Variants in AGPAT3 observed in about 807,000 individuals in gnomAD.
AGPAT3 encodes the protein 1-acylglycerol-3-phosphate O-acyltransferase 3, also known as 1-acyl-sn-glycerol-3-phosphate acyltransferase gamma.
Under a neutral mutation model 47.3 loss-of-function variants are expected in AGPAT3, and 5 were observed. The observed-to-expected ratio is 0.11, with a 90% CI of 0.06 to 0.22. AGPAT3 has a LOEUF of 0.22. Ranked by LOEUF, AGPAT3 falls within the 10% of genes least tolerant of loss-of-function variation. AGPAT3 has a pLI of 1.00. For synonymous variants in AGPAT3, 212 were observed against 208.3 expected (o/e 1.02, Z -0.15); for missense variants, 315 against 493.0 (o/e 0.64, Z 3.42).
intron 1 of AGPAT3, among the ~76,000 whole-genome samples, chr21:43,866,457 G>C (rs9977718): frequency 6.0e-4 from 92 of 152,204 alleles, no homozygotes; most frequent in Middle Eastern, 3.4e-3. Context: ...TTGCAGGCGC[G>C]GCTGCTCCGA....
intron 3 of AGPAT3, chr21:43,967,358 G>A (rs781754345): frequency 1.0e-4 from 16 of 152,738 alleles, no homozygotes; most frequent in Non-Finnish European, 1.9e-4. Flanking sequence ...CAGGCCTCTG[G>A]CCACCTGCCC....
At chr21:43,888,200 C>G (rs2086023107) in intron 1 of AGPAT3, among the ~76,000 whole-genome samples, 2 of 152,140 alleles carry the variant, frequency 1.3e-5, no homozygotes, top group African/African-American at 2.4e-5. Flanking sequence ...CCACCACACC[C>G]AGCTAATTTT....
rs532791819 is a variant in AGPAT3 at position 43,934,961 on chromosome 21, A to G, written c.-48-24673A>G. Among the ~76,000 whole-genome samples the G allele has an allele frequency of 6.7e-6, 1 of 148,372 alleles. No homozygotes were observed. Among genetic ancestry groups the G allele is most frequent in the Admixed American group, 6.7e-5 (1 of 14,956 alleles). On this transcript the variant is annotated intron_variant, in intron 2 of 9. Transcript: ENST00000291572. This position sits in a 1 kb window ranked among gnomAD's most constrained non-coding sequence, Gnocchi z 4.7. ...CCCACGCCACTCACATGCCACTCAC[A>G]TGCCATTGACACGCCACCACGCCAC...
chr21:43,975,340 T>C (rs9680153), intron 7 of AGPAT3, among the ~76,000 whole-genome samples: 9,468 of 148,682 alleles, frequency 0.064, 840 homozygotes, highest in African/African-American at 0.2. Flanking sequence ...GTGTGGTATG[T>C]TCTGGTGTGT....
At position 43,971,484 on chromosome 21, in the gene AGPAT3, G is replaced by A; in HGVS notation, c.761G>A (p.Cys254Tyr). 2 of 1,614,196 alleles carry A rather than the reference G, an allele frequency of 1.2e-6. No homozygotes were observed. Among genetic ancestry groups the A allele is most frequent in the Non-Finnish European group, 1.7e-6 (2 of 1,180,008 alleles). The change falls in exon 7 of 10, where the codon TGC (cysteine) becomes TAC (tyrosine). Residue 254 changes from cysteine (C) to tyrosine (Y), a missense_variant. By Grantham distance (194) the Cys-to-Tyr change is radical. Transcript: ENST00000291572. Reference protein sequence around the residue: ...LYGKKYEADMCVRRFPLEDIP... With the variant: ...LYGKKYEADMYVRRFPLEDIP... ...GGGAAGAAGTACGAGGCGGACATGT[G>A]CGTGAGGTGAGGCCAGACCCTGTGG... is the stretch of plus-strand genomic sequence containing the variant.
intron 7 of AGPAT3, among the ~76,000 whole-genome samples, chr21:43,976,013 A>G (rs1369533972): frequency 1.3e-5 from 2 of 148,790 alleles, no homozygotes; most frequent in African/African-American, 5.0e-5. Context: ...AGAAAACCAC[A>G]TTTTATTTTT....
At chr21:43,923,624 G>A (rs1257743864) in intron 2 of AGPAT3, among the ~76,000 whole-genome samples, 1 of 152,206 alleles carries the variant, frequency 6.6e-6, no homozygotes, top group Non-Finnish European at 1.5e-5. Flanking sequence ...TGATGCCCTC[G>A]AGTTTGAACA....
intron 2 of AGPAT3, among the ~76,000 whole-genome samples, chr21:43,951,077 C>T (rs2088169518): frequency 6.6e-6 from 1 of 152,214 alleles, no homozygotes; most frequent in African/African-American, 2.4e-5. Context: ...GTGGAGCTTT[C>T]CCCAGCACCC....
intron 2 of AGPAT3, among the ~76,000 whole-genome samples, chr21:43,957,773 T>A (rs983641324): frequency 6.6e-6 from 1 of 150,428 alleles, no homozygotes; most frequent in Non-Finnish European, 1.5e-5. Flanking sequence ...GGTCTCGGGT[T>A]TCCCCCTGCA....
rs149381201 is a variant in AGPAT3 at position 43,955,169 on chromosome 21, C to T, written c.-48-4465C>T. On this transcript the variant is annotated intron_variant, in intron 2 of 9. Transcript: ENST00000291572. This position sits in a 1 kb window ranked among gnomAD's most constrained non-coding sequence, Gnocchi z 4.1. ...TGCGCCCTGGGTGCTGTCCCGGGGCCGTCTCAGAAGCACCGCGCTGGACCG... is the reference window on the plus strand; with the variant it reads ...TGCGCCCTGGGTGCTGTCCCGGGGCTGTCTCAGAAGCACCGCGCTGGACCG... 5.6e-4 allele frequency: 716 copies of T among 1,272,814 alleles called. 7 individuals are homozygous for T. The African/African-American group carries it at 9.8e-3, about 17-fold the overall frequency. 78.8% of individuals were successfully genotyped at this position (1,272,814 alleles called of 1,614,324 possible).
chr21:43,894,044 G>C (rs1323475342), intron 1 of AGPAT3, among the ~76,000 whole-genome samples: 2 of 152,194 alleles, frequency 1.3e-5, no homozygotes, highest in East Asian at 3.8e-4. Flanking sequence ...ATCTGGAAGT[G>C]CAGCGAAGCC....
At chr21:43,941,221 T>C (rs2087644538) in intron 2 of AGPAT3, among the ~76,000 whole-genome samples, 1 of 152,186 alleles carries the variant, frequency 6.6e-6, no homozygotes, top group Non-Finnish European at 1.5e-5. Flanking sequence ...AGACTGTGTT[T>C]GTTTTTCTTG....
At chr21:43,913,756 C>T (rs921871576) in intron 2 of AGPAT3, among the ~76,000 whole-genome samples, 1 of 152,144 alleles carries the variant, frequency 6.6e-6, no homozygotes, top group African/African-American at 2.4e-5. Flanking sequence ...TGCACAGAGA[C>T]CAGGGAGGCT....
Position 43,982,745 on chromosome 21 carries a change from T to C in AGPAT3, c.*353T>C. 1 of 188,280 alleles carries C rather than the reference T, an allele frequency of 5.3e-6. No homozygotes were observed. Among genetic ancestry groups the C allele is most frequent in the Admixed American group, 6.1e-5 (1 of 16,306 alleles). The allele number at this position is 188,280 out of a possible 1,614,324, so 11.7% of individuals were successfully genotyped here. On this transcript the variant is annotated 3_prime_UTR_variant, in exon 10 of 10. Transcript: ENST00000291572. This position sits in a 1 kb window ranked among gnomAD's most constrained non-coding sequence, Gnocchi z 6.2. ...ATTTTTTGGTTTTTAATCAGTTATCTTGGGAACTTAACCTGGCCCCTCACC... is the reference window on the plus strand; with the variant it reads ...ATTTTTTGGTTTTTAATCAGTTATCCTGGGAACTTAACCTGGCCCCTCACC...
At position 43,970,611 on chromosome 21, in the gene AGPAT3, C is replaced by T. The variant is rs2089353463; in HGVS notation, c.511-42C>T. 2 of 1,606,758 alleles carry T rather than the reference C, an allele frequency of 1.2e-6. No homozygotes were observed. The highest frequency in any genetic ancestry group is 1.3e-5 in the African/African-American group (1 of 74,670). ...GCCTGGCCTGGACATGCACCCACCC[C>T]AGCTGCTCTGTGGAGTGACCCTGTC... is the stretch of plus-strand genomic sequence containing the variant. On this transcript the variant is annotated intron_variant, in intron 5 of 9. Coordinates refer to ENST00000291572, the MANE Select transcript of AGPAT3 (RefSeq NM_020132.5). This position sits in a 1 kb window ranked among gnomAD's most constrained non-coding sequence, Gnocchi z 5.8.
chr21:43,917,736 G>C (rs1444448352), intron 2 of AGPAT3, among the ~76,000 whole-genome samples: 2 of 151,886 alleles, frequency 1.3e-5, no homozygotes, highest in African/African-American at 4.8e-5. Context: ...TATCTACCGG[G>C]TGGTCGAGTT....
intron 2 of AGPAT3, among the ~76,000 whole-genome samples, chr21:43,917,759 G>A (rs1247390639): frequency 6.6e-6 from 1 of 151,506 alleles, no homozygotes; most frequent in Non-Finnish European, 1.5e-5. Flanking sequence ...CATCTTCCCC[G>A]GCAGAACTGT....
chr21:43,890,376 G>T (rs916121550), intron 1 of AGPAT3, among the ~76,000 whole-genome samples: 3 of 152,162 alleles, frequency 2.0e-5, no homozygotes, highest in African/African-American at 7.2e-5. Flanking sequence ...GTGGAGAATT[G>T]TGAGCCAATT....
rs2089869161 is a variant in AGPAT3, at chr21:43,981,957, C to T, written c.1043-347C>T. 6.6e-6 allele frequency among the ~76,000 whole-genome samples: 1 copy of T among 152,246 alleles called. No homozygotes were observed. Among genetic ancestry groups the T allele is most frequent in the Non-Finnish European group, 1.5e-5 (1 of 68,040 alleles). ...TACATCCGAGGGTCCTGCTCGTCCA[C>T]CTCTGTCACCTGTTGGGTTTGCAAG... On this transcript the variant is annotated intron_variant, in intron 9 of 9. Transcript: ENST00000291572. This position sits in a 1 kb window ranked among gnomAD's most constrained non-coding sequence, Gnocchi z 5.3.
Sources: gnomAD v4.1 joint callset for allele counts (sites outside exome capture counted in the v4.1 genomes callset) on GRCh38, gnomAD v4.1.1 for gene constraint, Gnocchi (gnomAD v3.1) non-coding constraint, MANE v1.5 for transcripts, NCBI Gene and HGNC (gene_info 2026-07-23, HGNC 2026-07-21) for gene names.